PTPRD: variants seen among roughly 807,000 people sequenced by gnomAD.
The protein encoded by PTPRD is receptor-type tyrosine-protein phosphatase delta.
Under a neutral mutation model 214.5 loss-of-function variants are expected in PTPRD, and 34 were observed. That is an observed-to-expected ratio of 0.16 (90% CI 0.12 to 0.21). PTPRD has a LOEUF of 0.21. Among genes scored for constraint, PTPRD ranks in the 10% least tolerant of loss-of-function variants. PTPRD has a pLI of 1.00. For missense variants in PTPRD, 2,545 were observed against 2,398.7 expected (o/e 1.06, Z -1.27); for synonymous variants, 1,128 against 845.7 (o/e 1.33, Z -5.79).
At chr9:9,357,756 C>G (rs1367705315) in intron 9 of PTPRD, among the ~76,000 whole-genome samples, 1 of 150,356 alleles carries the variant, frequency 6.7e-6, no homozygotes, top group Non-Finnish European at 1.5e-5. Context: ...ATAGTGCAGA[C>G]TATTTTAGGT....
intron 12 of PTPRD, among the ~76,000 whole-genome samples, chr9:8,712,580 A>T (rs988590912): frequency 1.3e-5 from 2 of 152,216 alleles, no homozygotes; most frequent in African/African-American, 4.8e-5. Flanking sequence ...GACAGAATGC[A>T]CTGAAAATAC....
At chr9:9,459,037 C>T (rs1271151610) in intron 8 of PTPRD, among the ~76,000 whole-genome samples, 1 of 151,984 alleles carries the variant, frequency 6.6e-6, no homozygotes, top group Non-Finnish European at 1.5e-5. Context: ...GAGCCAGGAC[C>T]TATCAGAGAG....
At chr9:9,299,432 A>C (rs1954402723) in intron 9 of PTPRD, among the ~76,000 whole-genome samples, 1 of 151,700 alleles carries the variant, frequency 6.6e-6, no homozygotes, top group African/African-American at 2.4e-5. Flanking sequence ...CCTGCATAAC[A>C]AAGATTTTTC....
intron 33 of PTPRD, among the ~76,000 whole-genome samples, chr9:8,451,319 C>T (rs965752059): frequency 1.6e-4 from 24 of 152,120 alleles, no homozygotes; most frequent in Non-Finnish European, 2.8e-4. Context: ...GTGTCAGATA[C>T]AGCCTTGGGA....
chr9:8,526,647 G>A lies in PTPRD; in HGVS notation c.551-3C>T, dbSNP rs763913497. 6.4e-7 allele frequency: 1 copy of A among 1,574,090 alleles called. No homozygotes were observed. Among genetic ancestry groups the A allele is most frequent in the Non-Finnish European group, 8.6e-7 (1 of 1,156,970 alleles). Reference sequence around the variant, plus strand: ...CTTACCTCTTATTGGTGTACCACCTGGGTGGATAATATGAATGCAAATAAG... The same window carrying A: ...CTTACCTCTTATTGGTGTACCACCTAGGTGGATAATATGAATGCAAATAAG... On this transcript the variant is annotated splice_polypyrimidine_tract_variant and splice_region_variant and intron_variant, in intron 16 of 45. Transcript: ENST00000381196.
chr9:9,480,695 T>C lies in PTPRD; in HGVS notation c.-236-83213A>G, dbSNP rs568255071. Among the ~76,000 whole-genome samples, 3 of 152,258 alleles carry C rather than the reference T, an allele frequency of 2.0e-5. No individual in the cohort carries two copies. In the South Asian group the frequency reaches 6.2e-4, roughly 32 times the overall value. On this transcript the variant is annotated intron_variant, in intron 8 of 45. Transcript: ENST00000381196. ...AATATATACCATATATTTTTTAGTA[T>C]ATTAAGTGCTGTGGCCACAGAAAAT...
At chr9:10,507,981 G>A (rs1230540495) in intron 2 of PTPRD, among the ~76,000 whole-genome samples, 1 of 152,138 alleles carries the variant, frequency 6.6e-6, no homozygotes, top group East Asian at 1.9e-4. Flanking sequence ...CTTTGGCACA[G>A]CAAAAGAAAC....
chr9:9,703,627 A>T (rs1261008642), intron 7 of PTPRD, among the ~76,000 whole-genome samples: 1 of 152,174 alleles, frequency 6.6e-6, no homozygotes, highest in Non-Finnish European at 1.5e-5. Context: ...ATATACATTT[A>T]TGTGGCTAGT....
At chr9:9,794,117 A>G (rs1408303930) in intron 5 of PTPRD, among the ~76,000 whole-genome samples, 1 of 151,816 alleles carries the variant, frequency 6.6e-6, no homozygotes, top group East Asian at 1.9e-4. Flanking sequence ...TTAGACAGAT[A>G]AACATCTATT....
intron 9 of PTPRD, among the ~76,000 whole-genome samples, chr9:9,226,389 A>G (rs1168330619): frequency 6.6e-6 from 1 of 152,036 alleles, no homozygotes; most frequent in Non-Finnish European, 1.5e-5. Flanking sequence ...CTTAATCCCT[A>G]TCTATCTCAG....
chr9:8,424,005 A>G (rs571485891), intron 35 of PTPRD, among the ~76,000 whole-genome samples: 1 of 152,310 alleles, frequency 6.6e-6, no homozygotes, highest in East Asian at 1.9e-4. Context: ...TAATCCTTTC[A>G]TCATCTTCAA....
intron 12 of PTPRD, among the ~76,000 whole-genome samples, chr9:8,682,894 C>T (rs1298961679): frequency 6.6e-6 from 1 of 151,904 alleles, no homozygotes; most frequent in Non-Finnish European, 1.5e-5. Context: ...TTTTTGTAAG[C>T]GAGTTTCTGC....
At chr9:9,049,289 G>C (rs999270332) in intron 10 of PTPRD, among the ~76,000 whole-genome samples, 4 of 152,130 alleles carry the variant, frequency 2.6e-5, no homozygotes, top group African/African-American at 4.8e-5. Context: ...TTTCTGTAAG[G>C]CTTAATTTTC....
intron 11 of PTPRD, among the ~76,000 whole-genome samples, chr9:8,761,238 A>C (rs1422513536): frequency 1.3e-5 from 2 of 152,220 alleles, no homozygotes; most frequent in African/African-American, 4.8e-5. Flanking sequence ...ATTATCAAGT[A>C]AGGTGGGGAC....
At chr9:10,324,133 A>C (rs2096602909) in intron 3 of PTPRD, among the ~76,000 whole-genome samples, 1 of 152,040 alleles carries the variant, frequency 6.6e-6, no homozygotes. Context: ...GTAATTATAA[A>C]GTATGAGAAC....
chr9:9,219,594 G>C (rs1369243452), intron 9 of PTPRD, among the ~76,000 whole-genome samples: 1 of 152,082 alleles, frequency 6.6e-6, no homozygotes, highest in African/African-American at 2.4e-5. Flanking sequence ...GAATAACCCT[G>C]TTTACATTGA....
At chr9:8,972,039 G>C (rs946706077) in intron 11 of PTPRD, among the ~76,000 whole-genome samples, 1 of 151,724 alleles carries the variant, frequency 6.6e-6, no homozygotes, top group Non-Finnish European at 1.5e-5. Context: ...TCTGTGGCAG[G>C]CTAGTTCAGA....
chr9:8,457,631 G>A (rs2096254124), intron 33 of PTPRD, among the ~76,000 whole-genome samples: 1 of 151,996 alleles, frequency 6.6e-6, no homozygotes, highest in Admixed American at 6.6e-5. Context: ...TTCTTTATAT[G>A]ATAAAACTAT....
intron 2 of PTPRD, among the ~76,000 whole-genome samples, chr9:10,413,729 C>T (rs753404225): frequency 5.2e-4 from 79 of 151,862 alleles, no homozygotes; most frequent in Non-Finnish European, 7.8e-4. Flanking sequence ...CTACAGTATA[C>T]AAAACAGCAA....
Sources: gnomAD v4.1 joint callset for allele counts (sites outside exome capture counted in the v4.1 genomes callset) on GRCh38, gnomAD v4.1.1 for gene constraint, MANE v1.5 for transcripts, NCBI Gene and HGNC (gene_info 2026-07-23, HGNC 2026-07-21) for gene names.